The following KCNIP1 variants were observed in gnomAD, a reference collection of about 807,000 sequenced individuals.
The protein encoded by KCNIP1 is A-type potassium channel modulatory protein KCNIP1.
Under a neutral mutation model 33.0 loss-of-function variants are expected in KCNIP1, and 18 were observed. The ratio of observed to expected loss-of-function variants is 0.55; its 90% CI spans 0.38 to 0.81. The LOEUF (loss-of-function observed/expected upper bound fraction) is 0.81, where lower values mean the gene tolerates loss of function less well. KCNIP1 is among the 30% of genes least tolerant of loss of function. The pLI is 0.00. For missense variants in KCNIP1, 238 were observed against 271.6 expected (o/e 0.88, Z 0.87); for synonymous variants, 93 against 98.3 (o/e 0.95, Z 0.32).
At chr5:170,629,535 G>A (rs1250246556) in intron 1 of KCNIP1, among the ~76,000 whole-genome samples, 1 of 152,188 alleles carries the variant, frequency 6.6e-6, no homozygotes, top group African/African-American at 2.4e-5. Flanking sequence ...TGGGATGCCT[G>A]GGTCCCCCAC....
chr5:170,425,778 C>T (rs932976731), intron 1 of KCNIP1, among the ~76,000 whole-genome samples: 5 of 152,202 alleles, frequency 3.3e-5, no homozygotes, highest in African/African-American at 7.2e-5. Context: ...CAGTCCCCTA[C>T]GCCCTAGCAA....
intron 1 of KCNIP1, among the ~76,000 whole-genome samples, chr5:170,601,836 C>T (rs573433877): frequency 5.9e-5 from 9 of 152,156 alleles, no homozygotes; most frequent in South Asian, 4.1e-4. Flanking sequence ...TGCCTGCGGA[C>T]GTCGAGCAGG....
chr5:170,598,908 T>TGTGTGTGTGTGTGTGTGTGTGTGTGCGC (rs1758574047), intron 1 of KCNIP1, among the ~76,000 whole-genome samples: 9 of 138,814 alleles, frequency 6.5e-5, no homozygotes, highest in African/African-American at 2.1e-4. Flanking sequence ...TGTGCGCGTG[T>TGTGTGTGTGTGTGTGTGTGTGTGTGCGC]GTGTGTGTGT....
At chr5:170,642,198 G>C (rs930007503) in intron 1 of KCNIP1, 1 of 152,454 alleles carries the variant, frequency 6.6e-6, no homozygotes, top group Admixed American at 6.5e-5. Flanking sequence ...TGCGCATCCT[G>C]GGCTCTCTCT....
At chr5:170,649,503 A>AGCCAT (rs573363150) in intron 1 of KCNIP1, among the ~76,000 whole-genome samples, 2,114 of 152,306 alleles carry the variant, frequency 0.014, 24 homozygotes, top group Non-Finnish European at 0.02. Context: ...CTGCTCCCCA[A>AGCCAT]GCCATGCATT....
chr5:170,415,391 C>T (rs1755300626), intron 1 of KCNIP1, among the ~76,000 whole-genome samples: 1 of 152,150 alleles, frequency 6.6e-6, no homozygotes, highest in African/African-American at 2.4e-5. Flanking sequence ...GGGGACTCTC[C>T]TGTGTGCTGT....
At chr5:170,452,463 C>G (rs953020994) in intron 1 of KCNIP1, among the ~76,000 whole-genome samples, 32 of 152,052 alleles carry the variant, frequency 2.1e-4, no homozygotes, top group African/African-American at 7.2e-4. Flanking sequence ...GGGCTGGGGC[C>G]TCATAAATGT....
intron 1 of KCNIP1, among the ~76,000 whole-genome samples, chr5:170,616,724 C>A (rs1449144445): frequency 6.6e-6 from 1 of 152,212 alleles, no homozygotes; most frequent in Non-Finnish European, 1.5e-5. Flanking sequence ...AAGGAAGCCA[C>A]ACTGCACCTT....
rs1169970941 is a variant in KCNIP1, at chr5:170,736,071, C to T, written c.*265C>T. 4.0e-6 allele frequency: 2 copies of T among 495,410 alleles called. No homozygotes were observed. Among genetic ancestry groups the T allele is most frequent in the Admixed American group, 3.3e-5 (1 of 30,240 alleles). 30.7% of individuals were successfully genotyped at this position (495,410 alleles called of 1,614,324 possible). A position where few individuals can be genotyped will look rare whatever the true frequency, so the allele number is the denominator to read the frequency against. ...TTTTGGAAGCATGCTCATCTCCTCA[C>T]ACTGCTGCCCTATGGAAGGTCCCTC... On this transcript the variant is annotated 3_prime_UTR_variant, in exon 8 of 8. Transcript: ENST00000328939.
chr5:170,356,272 G>A lies in KCNIP1; in HGVS notation c.88+2308G>A, dbSNP rs10475940. Among the ~76,000 whole-genome samples, 1,205 of 152,314 alleles carry A rather than the reference G, an allele frequency of 7.9e-3. 20 individuals carry two copies. Among genetic ancestry groups the A allele is most frequent in the African/African-American group, 0.027 (1,134 of 41,554 alleles). Reference sequence around the variant, plus strand: ...ATTTGCAGTAATCCAACCCTCAGGAGAGGGATTTTTCTTTGTCCCTTGCAG... The same window carrying A: ...ATTTGCAGTAATCCAACCCTCAGGAAAGGGATTTTTCTTTGTCCCTTGCAG... On this transcript the variant is annotated intron_variant, in intron 1 of 7. Transcript: ENST00000377360.
chr5:170,698,448 C>A, intron 1 of KCNIP1, among the ~76,000 whole-genome samples: 1 of 152,188 alleles, frequency 6.6e-6, no homozygotes, highest in Non-Finnish European at 1.5e-5. Flanking sequence ...TGGCCCTGGG[C>A]AGATGACCTT....
chr5:170,542,062 A>G (rs1756229873), intron 1 of KCNIP1, among the ~76,000 whole-genome samples: 1 of 152,170 alleles, frequency 6.6e-6, no homozygotes, highest in Non-Finnish European at 1.5e-5. Context: ...GATTTATTGC[A>G]CCCGGGCTCC....
intron 1 of KCNIP1, among the ~76,000 whole-genome samples, chr5:170,468,348 C>T (rs867103473): frequency 2.6e-5 from 4 of 152,048 alleles, no homozygotes; most frequent in Non-Finnish European, 5.9e-5. Context: ...GTAAATGAGA[C>T]GAAACATTTC....
intron 1 of KCNIP1, among the ~76,000 whole-genome samples, chr5:170,618,024 C>T (rs889917493): frequency 2.0e-5 from 3 of 152,150 alleles, no homozygotes; most frequent in African/African-American, 7.2e-5. Context: ...TTCTTCTCCA[C>T]GACATCCCCA....
chr5:170,358,930 T>G (rs1763425807), intron 1 of KCNIP1, among the ~76,000 whole-genome samples: 1 of 152,136 alleles, frequency 6.6e-6, no homozygotes, highest in Non-Finnish European at 1.5e-5. Context: ...CCTGCACTAC[T>G]CCCCACCTTG....
intron 1 of KCNIP1, chr5:170,378,752 G>A (rs1195980374): frequency 3.1e-6 from 5 of 1,614,032 alleles, no homozygotes; most frequent in Non-Finnish European, 4.2e-6. Flanking sequence ...TCTTCACCAT[G>A]GCGATAATGA....
chr5:170,538,402 G>T (rs1317053534), intron 1 of KCNIP1, among the ~76,000 whole-genome samples: 1 of 152,050 alleles, frequency 6.6e-6, no homozygotes, highest in African/African-American at 2.4e-5. Flanking sequence ...CTTTCCAATG[G>T]GGTGGTGAGT....
chr5:170,615,662 A>G (rs1759339142), intron 1 of KCNIP1, among the ~76,000 whole-genome samples: 1 of 152,214 alleles, frequency 6.6e-6, no homozygotes, highest in African/African-American at 2.4e-5. Flanking sequence ...TGCCATGGTA[A>G]CAGAGGATTA....
At chr5:170,502,675 G>C (rs1220441023), upstream of KCNIP1, among the ~76,000 whole-genome samples, 1 of 152,192 alleles carries the variant, frequency 6.6e-6, no homozygotes, top group African/African-American at 2.4e-5. Flanking sequence ...GGGCATGCAT[G>C]CTTGTTTATG....
Sources: allele counts gnomAD v4.1 joint callset (sites outside exome capture counted in the v4.1 genomes callset), GRCh38; gene constraint gnomAD v4.1.1; transcripts MANE v1.5; gene names NCBI Gene and HGNC (gene_info 2026-07-23, HGNC 2026-07-21).